SOX5: variants seen among roughly 807,000 people sequenced by gnomAD.
SOX5 encodes transcription factor SOX-5.
SOX5 carries 9 observed loss-of-function variants against 92.0 expected under a neutral mutation model. The ratio of observed to expected loss-of-function variants is 0.10; its 90% CI spans 0.06 to 0.17. SOX5 has a LOEUF of 0.17. Ranked by LOEUF, SOX5 falls within the 10% of genes least tolerant of loss-of-function variation. The probability of loss-of-function intolerance (pLI) is 1.00; values close to 1 mark genes in which losing one functional copy is unlikely to be tolerated. For synonymous variants in SOX5, 344 were observed against 336.3 expected (o/e 1.02, Z -0.25); for missense variants, 642 against 944.5 (o/e 0.68, Z 4.20).
intron 2 of SOX5, among the ~76,000 whole-genome samples, chr12:23,873,686 T>A (rs1402755882): frequency 6.6e-6 from 1 of 152,206 alleles, no homozygotes; most frequent in Admixed American, 6.5e-5. Flanking sequence ...GTCTCTATTA[T>A]TTTTGCTTTA....
chr12:23,957,534 A>G (rs751136881), intron 4 of SOX5, among the ~76,000 whole-genome samples: 3 of 152,200 alleles, frequency 2.0e-5, no homozygotes, highest in Non-Finnish European at 4.4e-5. Context: ...AAATTTCAAA[A>G]TATCAAATGA....
rs1422501571 is a variant in SOX5, at chr12:23,837,283, ATT to A, written c.481+8698_481+8699del. On this transcript the variant is annotated intron_variant, in intron 3 of 14. Coordinates refer to ENST00000451604, the MANE Select transcript of SOX5 (RefSeq NM_006940.6). The stretch of plus-strand genomic sequence containing the variant: ...TATATAATATATAATATGTATTTAT[ATT>A]TATATTTATATAATATATAAGATAT... Among the ~76,000 whole-genome samples the A allele has an allele frequency of 2.2e-4, 23 of 103,912 alleles. 3 individuals are homozygous for A. The East Asian group carries it at 0.017, about 79-fold the overall frequency. 68.2% of individuals were successfully genotyped at this position (103,912 alleles called of 152,430 possible). A position where few individuals can be genotyped will look rare whatever the true frequency, so the allele number is the denominator to read the frequency against.
At chr12:24,003,919 A>G (rs995041615) in intron 4 of SOX5, among the ~76,000 whole-genome samples, 1 of 152,104 alleles carries the variant, frequency 6.6e-6, no homozygotes, top group Non-Finnish European at 1.5e-5. Flanking sequence ...ACAGTGATCA[A>G]GACAGTTTGG....
chr12:23,569,986 G>A (rs945672971), intron 10 of SOX5, among the ~76,000 whole-genome samples: 3 of 152,170 alleles, frequency 2.0e-5, no homozygotes, highest in Non-Finnish European at 4.4e-5. Flanking sequence ...ATTCTAAGTT[G>A]AAAGTATCTG....
At chr12:24,177,917 T>C (rs901701905) in intron 4 of SOX5, among the ~76,000 whole-genome samples, 5 of 152,192 alleles carry the variant, frequency 3.3e-5, no homozygotes, top group African/African-American at 1.2e-4. Flanking sequence ...ATAGGATCCT[T>C]ACCAAAACAT....
intron 4 of SOX5, among the ~76,000 whole-genome samples, chr12:24,129,136 A>G (rs1289372443): frequency 6.6e-6 from 1 of 152,240 alleles, no homozygotes; most frequent in Non-Finnish European, 1.5e-5. Context: ...ATACTAATTT[A>G]AAGCAAAGAA....
chr12:24,520,052 C>A (rs1244038942), intron 1 of SOX5, among the ~76,000 whole-genome samples: 1 of 150,458 alleles, frequency 6.6e-6, no homozygotes, highest in Non-Finnish European at 1.5e-5. Flanking sequence ...AAAAAAAAAA[C>A]CTGCCAATCA....
At chr12:23,807,795 C>T (rs11831278) in intron 3 of SOX5, among the ~76,000 whole-genome samples, 22,013 of 151,742 alleles carry the variant, frequency 0.15, 1,602 homozygotes, top group South Asian at 0.21. Flanking sequence ...TTACAGGTGC[C>T]CACCACCATG....
chr12:24,098,449 C>T (rs1046187849), intron 4 of SOX5, among the ~76,000 whole-genome samples: 9 of 152,080 alleles, frequency 5.9e-5, no homozygotes, highest in African/African-American at 1.9e-4. Flanking sequence ...ATCAAGTTGA[C>T]CCTTTAACTG....
intron 1 of SOX5, among the ~76,000 whole-genome samples, chr12:24,540,868 A>G (rs562310921): frequency 9.2e-5 from 14 of 152,330 alleles, no homozygotes; most frequent in African/African-American, 2.6e-4. Flanking sequence ...GAGCAAATCT[A>G]CATTTTTCCT....
intron 4 of SOX5, among the ~76,000 whole-genome samples, chr12:24,116,340 A>G (rs989014719): frequency 2.0e-5 from 3 of 152,202 alleles, no homozygotes; most frequent in African/African-American, 7.2e-5. Flanking sequence ...ACTGAAACAC[A>G]AAAATATTAA....
intron 4 of SOX5, among the ~76,000 whole-genome samples, chr12:24,092,526 C>T (rs188736668): frequency 5.3e-5 from 8 of 152,246 alleles, no homozygotes; most frequent in African/African-American, 1.9e-4. Context: ...GATGCTCACA[C>T]CCAAGAAGCC....
intron 4 of SOX5, among the ~76,000 whole-genome samples, chr12:24,181,423 T>C (rs1955486265): frequency 6.6e-6 from 1 of 152,206 alleles, no homozygotes; most frequent in African/African-American, 2.4e-5. Context: ...AATGACTGAA[T>C]GGTAAAACTA....
chr12:24,103,714 T>C (rs1193411196), intron 4 of SOX5, among the ~76,000 whole-genome samples: 1 of 152,236 alleles, frequency 6.6e-6, no homozygotes, highest in Non-Finnish European at 1.5e-5. Flanking sequence ...TGGAGCTTTA[T>C]ATAACAACAT....
intron 3 of SOX5, among the ~76,000 whole-genome samples, chr12:23,788,196 A>G (rs1210989168): frequency 6.6e-6 from 1 of 152,026 alleles, no homozygotes; most frequent in East Asian, 1.9e-4. Flanking sequence ...AAAGGCAGAA[A>G]AAGAAGGACT....
intron 1 of SOX5, among the ~76,000 whole-genome samples, chr12:23,914,794 T>C (rs1170103563): frequency 2.0e-5 from 3 of 152,174 alleles, no homozygotes; most frequent in Non-Finnish European, 4.4e-5. Flanking sequence ...TTGAAAATTC[T>C]AGATGAAAAT....
chr12:23,806,734 A>C (rs1215058884), intron 3 of SOX5, among the ~76,000 whole-genome samples: 1 of 152,052 alleles, frequency 6.6e-6, no homozygotes, highest in Non-Finnish European at 1.5e-5. Context: ...GTGTTGGAGA[A>C]TAGAGCCACA....
At chr12:23,673,703 T>C (rs370919091) in intron 6 of SOX5, among the ~76,000 whole-genome samples, 1 of 151,558 alleles carries the variant, frequency 6.6e-6, no homozygotes, top group African/African-American at 2.4e-5. Flanking sequence ...AGTATTCTTA[T>C]GTTGAATTTC....
At chr12:24,480,445 G>C (rs1945858171) in intron 1 of SOX5, among the ~76,000 whole-genome samples, 1 of 152,050 alleles carries the variant, frequency 6.6e-6, no homozygotes, top group African/African-American at 2.4e-5. Flanking sequence ...TGCCACAAAG[G>C]ATACATTCAA....
Sources: gnomAD v4.1 joint callset for allele counts (sites outside exome capture counted in the v4.1 genomes callset) on GRCh38, gnomAD v4.1.1 for gene constraint, MANE v1.5 for transcripts, NCBI Gene and HGNC (gene_info 2026-07-23, HGNC 2026-07-21) for gene names.